The following PDCD10 variants were observed in gnomAD, a reference collection of about 807,000 sequenced individuals.
PDCD10 encodes programmed cell death 10.
In PDCD10, 4 loss-of-function variants were observed where a neutral mutation model predicts 29.2. The observed-to-expected ratio is 0.14, with a 90% CI of 0.07 to 0.31. PDCD10 has a LOEUF of 0.31. Ranked by LOEUF, PDCD10 falls within the 10% of genes least tolerant of loss-of-function variation. The probability of loss-of-function intolerance (pLI) is 1.00; values close to 1 mark genes in which losing one functional copy is unlikely to be tolerated. For synonymous variants in PDCD10, 70 were observed against 82.2 expected (o/e 0.85, Z 0.80); for missense variants, 183 against 257.9 (o/e 0.71, Z 1.99).
rs144247604 is a variant in PDCD10, at chr3:167,693,687, A to G, written c.395+1909T>C. ...GCCAGGTGTGGTGGCTCACTCCTGT[A>G]ATCCCAACACTTTGGGAGGCCAAGG... is the stretch of plus-strand genomic sequence containing the variant. On this transcript the variant is annotated intron_variant, in intron 6 of 8. Transcript: ENST00000392750. 3.6e-3 allele frequency among the ~76,000 whole-genome samples: 555 copies of G among 152,300 alleles called. 2 individuals carry two copies. Among genetic ancestry groups the G allele is most frequent in the Middle Eastern group, 6.8e-3 (2 of 294 alleles).
chr3:167,713,209 TA>T, intron 3 of PDCD10, among the ~76,000 whole-genome samples: 1 of 152,094 alleles, frequency 6.6e-6, no homozygotes, highest in African/African-American at 2.4e-5. Context: ...ATACAAGTCT[TA>T]AAACATTCAA....
chr3:167,727,996 A>T (rs1313134102), intron 2 of PDCD10, among the ~76,000 whole-genome samples: 3 of 152,202 alleles, frequency 2.0e-5, no homozygotes, highest in African/African-American at 7.2e-5. Context: ...TTTAGCTCCC[A>T]ATTGATCTCA....
chr3:167,721,231 T>C (rs1382125533), intron 2 of PDCD10, among the ~76,000 whole-genome samples: 1 of 152,134 alleles, frequency 6.6e-6, no homozygotes, highest in Non-Finnish European at 1.5e-5. Context: ...AGTCCTATAA[T>C]AACTTGCTTT....
In PDCD10 at chr3:167,712,705, C is replaced by G. The variant is rs115134988; in HGVS notation, c.96+7357G>C. On this transcript the variant is annotated intron_variant, in intron 3 of 8. Transcript: ENST00000392750. ...TTAAAAAACAAGAACAACCTGTTGC[C>G]TACGAGAAACACATTTCACCTATAA... Among the ~76,000 whole-genome samples the G allele has an allele frequency of 5.1e-3, 771 of 151,880 alleles. 5 individuals are homozygous for G. The highest frequency in any genetic ancestry group is 0.018 in the African/African-American group (742 of 41,474).
intron 3 of PDCD10, among the ~76,000 whole-genome samples, chr3:167,705,975 T>G (rs996367365): frequency 6.6e-6 from 1 of 152,188 alleles, no homozygotes; most frequent in Non-Finnish European, 1.5e-5. Flanking sequence ...TCTGTTTTGA[T>G]AGGAACCCAT....
At chr3:167,710,302 A>G (rs1037809574) in intron 3 of PDCD10, among the ~76,000 whole-genome samples, 2 of 152,084 alleles carry the variant, frequency 1.3e-5, no homozygotes. Context: ...GCATTTCTAG[A>G]CCTGTCCTGG....
intron 2 of PDCD10, among the ~76,000 whole-genome samples, chr3:167,726,242 G>A (rs1324198584): frequency 6.8e-6 from 1 of 147,928 alleles, no homozygotes; most frequent in Non-Finnish European, 1.5e-5. Context: ...TGGGATTATA[G>A]GCACCTGCCA....
chr3:167,720,083 G>T lies in PDCD10; in HGVS notation c.75C>A (p.Val25=). ...TCACCTCATTAAACACAGGATACATGACTGCATAGAGGGGCATAGAAACCA... is the reference window on the plus strand; with the variant it reads ...TCACCTCATTAAACACAGGATACATTACTGCATAGAGGGGCATAGAAACCA... ...TSMVSMPLYA[V]MYPVFNELER... The change falls in exon 3 of 9, where the codon GTC becomes GTA. Residue 25 remains valine, a synonymous_variant. Transcript: ENST00000392750. 2 of 1,606,760 alleles carry T rather than the reference G, an allele frequency of 1.2e-6. No individual in the cohort carries two copies. The highest frequency in any genetic ancestry group is 1.1e-5 in the South Asian group (1 of 90,952).
intron 3 of PDCD10, among the ~76,000 whole-genome samples, chr3:167,708,889 A>T (rs991468635): frequency 1.3e-5 from 2 of 152,190 alleles, no homozygotes; most frequent in African/African-American, 4.8e-5. Context: ...TACTATTTTA[A>T]ACACTTTACA....
intron 6 of PDCD10, among the ~76,000 whole-genome samples, chr3:167,689,494 G>A (rs1719983856): frequency 6.6e-6 from 1 of 152,120 alleles, no homozygotes; most frequent in Admixed American, 6.5e-5. Context: ...ATCAAAATGA[G>A]CGTATGTTTC....
intron 2 of PDCD10, among the ~76,000 whole-genome samples, chr3:167,732,579 T>C (rs1028358576): frequency 6.6e-6 from 1 of 152,114 alleles, no homozygotes; most frequent in African/African-American, 2.4e-5. Flanking sequence ...ACCATCCGAA[T>C]AGAAGAAATA....
intron 6 of PDCD10, among the ~76,000 whole-genome samples, chr3:167,690,233 C>T (rs577284249): frequency 6.6e-6 from 1 of 152,312 alleles, no homozygotes; most frequent in African/African-American, 2.4e-5. Context: ...TCAGATGAAA[C>T]GTAAACATAC....
In PDCD10 at chr3:167,734,877, G is replaced by C. The variant is rs568936692; in HGVS notation, c.-469C>G. ...AACTCCCGGATCAATTCACTCCGGC[G>C]ACGCCGGAAGGACCCAAGAGGAACC... On this transcript the variant is annotated 5_prime_UTR_variant, in exon 1 of 9. Coordinates refer to ENST00000392750, the MANE Select transcript of PDCD10 (RefSeq NM_007217.4). 3 of 153,282 alleles carry C rather than the reference G, an allele frequency of 2.0e-5. No homozygotes were observed. Among genetic ancestry groups the C allele is most frequent in the Non-Finnish European group, 4.4e-5 (3 of 68,570 alleles). 9.5% of individuals were successfully genotyped at this position (153,282 alleles called of 1,614,324 possible).
intron 7 of PDCD10, 65 bp downstream of exon 7, chr3:167,687,550 A>T: frequency 1.1e-6 from 1 of 937,020 alleles, no homozygotes; most frequent in Non-Finnish European, 1.8e-6. Flanking sequence ...TTTTTAAGTC[A>T]ATAAAACAAC....
chr3:167,698,454 T>C (rs1721031784), intron 4 of PDCD10, among the ~76,000 whole-genome samples: 1 of 152,126 alleles, frequency 6.6e-6, no homozygotes, highest in Non-Finnish European at 1.5e-5. Flanking sequence ...GAGGACTGCT[T>C]GAGCCCAGGA....
At chr3:167,714,235 T>C (rs1002337217) in intron 3 of PDCD10, among the ~76,000 whole-genome samples, 3 of 152,096 alleles carry the variant, frequency 2.0e-5, no homozygotes, top group Admixed American at 6.6e-5. Context: ...GTTCAATATA[T>C]GCAAATCAAT....
At chr3:167,713,133 T>C (rs1722689737) in intron 3 of PDCD10, among the ~76,000 whole-genome samples, 1 of 151,876 alleles carries the variant, frequency 6.6e-6, no homozygotes, top group Admixed American at 6.6e-5. Context: ...AGAACAGCTG[T>C]AGAATACACA....
chr3:167,721,317 G>A (rs1271800797), intron 2 of PDCD10, among the ~76,000 whole-genome samples: 1 of 151,968 alleles, frequency 6.6e-6, no homozygotes, highest in Admixed American at 6.6e-5. Flanking sequence ...GATCACACAG[G>A]TAGAGACCCA....
At chr3:167,719,014 G>A (rs1037788369) in intron 3 of PDCD10, among the ~76,000 whole-genome samples, 2 of 151,976 alleles carry the variant, frequency 1.3e-5, no homozygotes, top group African/African-American at 4.8e-5. Context: ...CTAAATCTGT[G>A]GCTTTCATGG....
Sources: gnomAD v4.1 joint callset for allele counts (sites outside exome capture counted in the v4.1 genomes callset) on GRCh38, gnomAD v4.1.1 for gene constraint, MANE v1.5 for transcripts, NCBI Gene and HGNC (gene_info 2026-07-23, HGNC 2026-07-21) for gene names.